The following JAK1 variants were observed in gnomAD, a reference collection of about 807,000 sequenced individuals.
JAK1 encodes the protein Janus kinase 1, also known as tyrosine-protein kinase JAK1.
A neutral mutation model predicts 136.6 loss-of-function variants in JAK1; 16 were observed. The observed-to-expected ratio is 0.12, with a 90% confidence interval of 0.08 to 0.18. The LOEUF is 0.18. Ranked by LOEUF, JAK1 falls within the 10% of genes least tolerant of loss-of-function variation. The probability of loss-of-function intolerance (pLI) is 1.00; values close to 1 mark genes in which losing one functional copy is unlikely to be tolerated. For synonymous variants in JAK1, 492 were observed against 519.5 expected (o/e 0.95, Z 0.72); for missense variants, 859 against 1,450.1 (o/e 0.59, Z 6.62).
At chr1:64,882,822 G>C (rs1491000082) in intron 3 of JAK1, among the ~76,000 whole-genome samples, 2 of 152,178 alleles carry the variant, frequency 1.3e-5, no homozygotes, top group Admixed American at 1.3e-4. Context: ...GGCAGTCACG[G>C]CAGCAGAAGG....
intron 1 of JAK1, among the ~76,000 whole-genome samples, chr1:64,886,601 T>C (rs1644855873): frequency 1.3e-5 from 2 of 152,170 alleles, no homozygotes; most frequent in African/African-American, 2.4e-5. Flanking sequence ...TGCTTCCCGA[T>C]ATGGAGTGTC....
rs1198784285 is a variant in JAK1, at chr1:64,838,109, G to A, written c.2968-5C>T. The stretch of plus-strand genomic sequence containing the variant: ...AGAACCCAAATAGTCCATCCCCTGA[G>A]AGAGAGAAGTAAAAGTCAAGCACAT... On this transcript the variant is annotated splice_polypyrimidine_tract_variant and splice_region_variant and intron_variant, in intron 21 of 24. Coordinates refer to ENST00000342505, the MANE Select transcript of JAK1 (RefSeq NM_002227.4). The A allele has an allele frequency of 6.2e-6, 10 of 1,609,788 alleles. No individual in the cohort carries two copies. The African/African-American group carries it at 6.7e-5, about 11-fold the overall frequency.
intron 11 of JAK1, 72 bp downstream of exon 11, chr1:64,855,437 G>A (rs1655863995): frequency 5.7e-6 from 8 of 1,407,338 alleles, no homozygotes; most frequent in African/African-American, 4.3e-5. Context: ...GTCAGTCAGC[G>A]TGTTTTGGTC....
At position 64,867,176 on chromosome 1, in the gene JAK1, T is replaced by C; in HGVS notation, c.680A>G (p.Lys227Arg). ...GAGAAGGTTCCTCTGTCTGATGGAC[T>C]TATTCAATGTTTCTGGAATATATCG... ...YKRYIPETLN[K>R]SIRQRNLLTR... Residue 227 changes from lysine to arginine, a missense_variant, in exon 7 of 25, where the codon AAG (lysine) becomes AGG (arginine). This residue lies in a region of JAK1 where 353 missense variants were observed against 494.0 expected (regional missense o/e 0.71). Transcript: ENST00000342505. 2 of 1,605,080 alleles carry C rather than the reference T, an allele frequency of 1.2e-6. No individual in the cohort carries two copies. Among genetic ancestry groups the C allele is most frequent in the South Asian group, 2.2e-5 (2 of 90,898 alleles).
intron 12 of JAK1, 100 bp from the exon 13 acceptor site, chr1:64,847,775 T>C (rs1164880898): frequency 2.2e-6 from 3 of 1,374,188 alleles, no homozygotes; most frequent in Admixed American, 2.1e-5. Flanking sequence ...ATCAATGGGA[T>C]GGGGCAAAGG....
chr1:64,918,596 T>C, intron 1 of JAK1: 1 of 173,526 alleles, frequency 5.8e-6, no homozygotes, highest in Non-Finnish European at 1.3e-5. Flanking sequence ...CCCAGGGCCC[T>C]GGAATAAACT....
At chr1:65,018,103 A>G (rs1646905335) in intron 2 of JAK1, among the ~76,000 whole-genome samples, 1 of 152,084 alleles carries the variant, frequency 6.6e-6, no homozygotes, top group South Asian at 2.1e-4. Flanking sequence ...GAGCCACTGC[A>G]CCTGGCTGTG....
chr1:65,031,967 T>C (rs988506163), intron 2 of JAK1, among the ~76,000 whole-genome samples: 13 of 151,252 alleles, frequency 8.6e-5, no homozygotes, highest in South Asian at 2.1e-4. Context: ...TTTTCTTTTT[T>C]TTTTTTTTTT....
At chr1:64,861,421 G>A (rs1297172533) in intron 8 of JAK1, among the ~76,000 whole-genome samples, 1 of 152,286 alleles carries the variant, frequency 6.6e-6, no homozygotes, top group East Asian at 1.9e-4. Flanking sequence ...AGACACCTGT[G>A]TTGTAGATTT....
intron 1 of JAK1, among the ~76,000 whole-genome samples, chr1:64,935,280 G>A (rs1235349363): frequency 6.6e-6 from 1 of 152,126 alleles, no homozygotes; most frequent in Non-Finnish European, 1.5e-5. Flanking sequence ...CAGATGAAAT[G>A]AGAAAGACCA....
intron 6 of JAK1, among the ~76,000 whole-genome samples, chr1:64,868,184 C>G (rs915153735): frequency 1.1e-4 from 16 of 152,272 alleles, no homozygotes; most frequent in African/African-American, 3.9e-4. Flanking sequence ...GTATCTACAA[C>G]AAACAGAATC....
intron 1 of JAK1, among the ~76,000 whole-genome samples, chr1:64,925,679 C>T (rs1329926528): frequency 3.3e-5 from 5 of 152,188 alleles, no homozygotes; most frequent in Admixed American, 3.3e-4. Flanking sequence ...TTCCGACTAA[C>T]ATCATCTGAG....
At chr1:64,946,901 T>C (rs910592657) in intron 1 of JAK1, among the ~76,000 whole-genome samples, 4 of 152,160 alleles carry the variant, frequency 2.6e-5, no homozygotes, top group African/African-American at 4.8e-5. Flanking sequence ...GGAAATTCCA[T>C]CATATGCAAA....
chr1:64,970,950 A>G (rs187894405), upstream of JAK1, among the ~76,000 whole-genome samples: 24 of 152,326 alleles, frequency 1.6e-4, no homozygotes, highest in Middle Eastern at 3.4e-3. Context: ...ACCATCAATC[A>G]TACACACAGT....
intron 2 of JAK1, among the ~76,000 whole-genome samples, chr1:64,999,748 A>G (rs1010544778): frequency 2.0e-5 from 3 of 151,830 alleles, no homozygotes; most frequent in Non-Finnish European, 2.9e-5. Flanking sequence ...AAAAAAAAAA[A>G]AAAAAAGTCT....
chr1:64,960,793 G>A (rs1646269739), intron 1 of JAK1, among the ~76,000 whole-genome samples: 1 of 152,164 alleles, frequency 6.6e-6, no homozygotes, highest in South Asian at 2.1e-4. Context: ...GACATCTGAA[G>A]TTGCCCTTTT....
intron 1 of JAK1, among the ~76,000 whole-genome samples, chr1:65,046,870 C>T (rs957046899): frequency 1.4e-5 from 2 of 142,618 alleles, no homozygotes; most frequent in Admixed American, 1.5e-4. Context: ...CAGCCCCAAC[C>T]TCTTTTTTTT....
At chr1:64,886,046 A>T (rs1644847701) in intron 2 of JAK1, among the ~76,000 whole-genome samples, 2 of 152,218 alleles carry the variant, frequency 1.3e-5, no homozygotes, top group Admixed American at 6.5e-5. Flanking sequence ...GAGAGATTAC[A>T]AGGGAAGTTT....
chr1:64,835,402 T>C lies in JAK1; in HGVS notation c.3363A>G (p.Pro1121=). 1 of 1,573,918 alleles carries C rather than the reference T, an allele frequency of 6.4e-7. No individual in the cohort carries two copies. The highest frequency in any genetic ancestry group is 8.6e-7 in the Non-Finnish European group (1 of 1,156,294). Residue 1121 remains proline, a synonymous_variant, in exon 24 of 25, where the codon CCA becomes CCG. Transcript: ENST00000342505. ...GKRLPCPPNC[P]DEVYQLMRKC... The stretch of plus-strand genomic sequence containing the variant: ...TGACGTGGCCCATAGATACCTCATC[T>C]GGACAGTTAGGTGGGCACGGCAGGC...
Sources: gnomAD v4.1 joint callset for allele counts (sites outside exome capture counted in the v4.1 genomes callset) on GRCh38, gnomAD v4.1.1 for gene constraint, gnomAD v4.1.1 regional missense constraint, MANE v1.5 for transcripts, NCBI Gene and HGNC (gene_info 2026-07-23, HGNC 2026-07-21) for gene names.